The following CHM variants were observed in gnomAD, a reference collection of about 807,000 sequenced individuals.
CHM encodes rab proteins geranylgeranyltransferase component A 1.
CHM carries 10 observed loss-of-function variants against 49.0 expected under a neutral mutation model. The observed-to-expected ratio is 0.20, with a 90% CI of 0.13 to 0.35. The LOEUF is 0.35. Ranked by LOEUF, CHM falls within the 10% of genes least tolerant of loss-of-function variation. The pLI is 1.00. For synonymous variants in CHM, 184 were observed against 167.5 expected (o/e 1.10, Z -0.76); for missense variants, 455 against 478.4 (o/e 0.95, Z 0.46).
chrX:86,001,163 TAAG>T (rs1932701691), intron 2 of CHM, among the ~76,000 whole-genome samples: 1 of 111,729 alleles, frequency 9.0e-6, no homozygotes, highest in Admixed American at 9.5e-5. Context: ...AAAAATATCA[TAAG>T]TCCATTTTAC....
rs980050555 is a variant in CHM, at chrX:85,924,161, T to C, written c.1167-12823A>G. 4.5e-5 allele frequency among the ~76,000 whole-genome samples: 5 copies of C among 111,102 alleles called. 1 individual carries two copies. The highest frequency in any genetic ancestry group is 1.6e-4 in the African/African-American group (5 of 30,541). Reference sequence around the variant, plus strand: ...AGATTTGTATTATTTTTAAAATGGGTCTGGCTGCTCTGTGGAGAATTCTCA... The same window carrying C: ...AGATTTGTATTATTTTTAAAATGGGCCTGGCTGCTCTGTGGAGAATTCTCA... On this transcript the variant is annotated intron_variant, in intron 8 of 14. Coordinates refer to ENST00000357749, the MANE Select transcript of CHM (RefSeq NM_000390.4).
chrX:85,998,665 G>C (rs886560256), intron 2 of CHM, among the ~76,000 whole-genome samples: 5 of 111,530 alleles, frequency 4.5e-5, no homozygotes, highest in African/African-American at 1.6e-4. Flanking sequence ...TGGCTGCCTG[G>C]AAGCTGTGAC....
At chrX:85,975,573 G>T (rs1402185943) in intron 4 of CHM, among the ~76,000 whole-genome samples, 3 of 112,173 alleles carry the variant, frequency 2.7e-5, no homozygotes, top group African/African-American at 9.7e-5. Flanking sequence ...ATACTATACA[G>T]TTCCATTTAC....
At chrX:85,956,759 G>A (rs745452625) in intron 7 of CHM, among the ~76,000 whole-genome samples, 2 of 111,484 alleles carry the variant, frequency 1.8e-5, no homozygotes, top group Non-Finnish European at 3.8e-5. Flanking sequence ...GGAATGTATT[G>A]ATTTAAAATG....
At chrX:85,900,324 TA>T (rs1209240534) in intron 11 of CHM, among the ~76,000 whole-genome samples, 1 of 111,654 alleles carries the variant, frequency 9.0e-6, no homozygotes, top group East Asian at 2.8e-4. Context: ...TTCAAATTCA[TA>T]GAAGCAGAGA....
chrX:86,025,131 G>A, intron 2 of CHM, among the ~76,000 whole-genome samples: 1 of 111,292 alleles, frequency 9.0e-6, no homozygotes, highest in Non-Finnish European at 1.9e-5. Context: ...ATACCTAGAT[G>A]TATCTAAACT....
intron 2 of CHM, among the ~76,000 whole-genome samples, chrX:86,010,205 G>A (rs1434881934): frequency 1.2e-5 from 1 of 85,643 alleles, no homozygotes; most frequent in Non-Finnish European, 2.3e-5. Context: ...GGGGTAGGGG[G>A]GTGGGGGGGG....
rs754292413 is a variant in CHM, at chrX:85,963,696, C to T, written c.671G>A (p.Gly224Asp). 5 of 1,198,316 alleles carry T rather than the reference C, an allele frequency of 4.2e-6. 1 individual carries two copies. In the South Asian group the frequency reaches 7.1e-5, roughly 17 times the overall value. The change falls in exon 5 of 15, where the codon GGC becomes GAC. Residue 224 changes from glycine to aspartate, a missense_variant. Coordinates refer to ENST00000357749, the MANE Select transcript of CHM (RefSeq NM_000390.4). ...TACTAAATCAATATTAAATCTCCTG[C>T]CTTCTTTAATAATTTGTGAGTAAGT... The part of the protein sequence containing the change: ...RITYSQIIKE[G>D]RRFNIDLVSK...
chrX:85,929,319 C>T, intron 8 of CHM, among the ~76,000 whole-genome samples: 1 of 112,319 alleles, frequency 8.9e-6, no homozygotes, highest in Non-Finnish European at 1.9e-5. Flanking sequence ...ATTCTGGTAT[C>T]ATTACACACT....
intron 2 of CHM, among the ~76,000 whole-genome samples, chrX:86,014,270 C>T (rs1933198120): frequency 9.0e-6 from 1 of 111,659 alleles, no homozygotes; most frequent in Admixed American, 9.5e-5. Context: ...CGGCACTTTC[C>T]TCCCAATAAA....
At chrX:85,896,241 T>G (rs1473643012) in intron 11 of CHM, among the ~76,000 whole-genome samples, 1 of 110,030 alleles carries the variant, frequency 9.1e-6, no homozygotes, top group African/African-American at 3.3e-5. Flanking sequence ...GACTGATCAC[T>G]CTGAAGGATA....
At chrX:86,023,204 A>G (rs983731884) in intron 2 of CHM, among the ~76,000 whole-genome samples, 3 of 111,540 alleles carry the variant, frequency 2.7e-5, no homozygotes, top group African/African-American at 9.8e-5. Flanking sequence ...TAGCTCTTTA[A>G]TATCTATAAG....
intron 2 of CHM, among the ~76,000 whole-genome samples, chrX:85,999,528 A>G (rs1321089256): frequency 2.7e-5 from 3 of 112,087 alleles, no homozygotes; most frequent in Non-Finnish European, 5.6e-5. Context: ...AGTTGAGGTC[A>G]TGTAAATGAA....
chrX:85,878,218 G>A (rs1029221507), intron 13 of CHM, among the ~76,000 whole-genome samples: 4 of 111,945 alleles, frequency 3.6e-5, no homozygotes, highest in African/African-American at 1.3e-4. Flanking sequence ...AGTGGCTCAC[G>A]CCTTTAATTC....
intron 2 of CHM, among the ~76,000 whole-genome samples, chrX:86,001,134 A>T (rs1411161066): frequency 8.9e-6 from 1 of 112,023 alleles, no homozygotes; most frequent in Non-Finnish European, 1.9e-5. Context: ...TCAATTGTTT[A>T]AAAATACAAA....
chrX:86,037,008 T>C (rs1204924358), intron 1 of CHM, among the ~76,000 whole-genome samples: 1 of 111,109 alleles, frequency 9.0e-6, no homozygotes, highest in African/African-American at 3.3e-5. Context: ...TGGAGAAAAC[T>C]ACATCAACTC....
chrX:85,878,119 C>T (rs1414021659), intron 13 of CHM, among the ~76,000 whole-genome samples: 1 of 111,618 alleles, frequency 9.0e-6, no homozygotes, highest in African/African-American at 3.3e-5. Context: ...ATGTGTTTCC[C>T]CCATGAATAA....
At chrX:86,031,394 C>G (rs948231614) in intron 1 of CHM, among the ~76,000 whole-genome samples, 3 of 111,731 alleles carry the variant, frequency 2.7e-5, no homozygotes, top group Non-Finnish European at 5.6e-5. Context: ...ATTATAGTAT[C>G]TGAACTTGAG....
At chrX:85,945,934 C>T (rs1318453487) in intron 8 of CHM, among the ~76,000 whole-genome samples, 1 of 111,964 alleles carries the variant, frequency 8.9e-6, no homozygotes, top group East Asian at 2.8e-4. Context: ...GGAGCAAAGG[C>T]CACCCATGTT....
Sources: allele counts gnomAD v4.1 joint callset (sites outside exome capture counted in the v4.1 genomes callset), GRCh38; gene constraint gnomAD v4.1.1; transcripts MANE v1.5; gene names NCBI Gene and HGNC (gene_info 2026-07-23, HGNC 2026-07-21).